Variants in HTR2C observed in about 807,000 individuals in gnomAD.
HTR2C encodes the protein 5-hydroxytryptamine receptor 2C, also known as 5-hydroxytryptamine (serotonin) receptor 2C, G protein-coupled.
Under a neutral mutation model 21.0 loss-of-function variants are expected in HTR2C, and 5 were observed. The ratio of observed to expected loss-of-function variants is 0.24; its 90% CI spans 0.12 to 0.50. The LOEUF (loss-of-function observed/expected upper bound fraction) is 0.50. Ranked by LOEUF, HTR2C falls within the 20% of genes least tolerant of loss-of-function variation. HTR2C has a pLI of 0.98. For synonymous variants in HTR2C, 150 were observed against 145.3 expected (o/e 1.03, Z -0.23); for missense variants, 271 against 371.2 (o/e 0.73, Z 2.22).
intron 2 of HTR2C, 24 bp downstream of exon 2, chrX:114,613,905 T>C (rs1377947188): frequency 8.9e-6 from 1 of 111,913 alleles, no homozygotes; most frequent in East Asian, 2.8e-4. Context: ...TAAGCGTGCC[T>C]CAAGACTCTT....
intron 4 of HTR2C, among the ~76,000 whole-genome samples, chrX:114,806,536 T>G (rs1240422459): frequency 3.7e-5 from 3 of 80,883 alleles, no homozygotes; most frequent in Admixed American, 3.3e-4. Context: ...ACACCATATA[T>G]ATACCGTATA....
intron 2 of HTR2C, among the ~76,000 whole-genome samples, chrX:114,693,815 G>A (rs1435899443): frequency 8.9e-6 from 1 of 111,834 alleles, no homozygotes; most frequent in Non-Finnish European, 1.9e-5. Flanking sequence ...CAAAATGAAC[G>A]TCATGGGAAG....
At chrX:114,704,527 C>G (rs1556417581) in intron 2 of HTR2C, among the ~76,000 whole-genome samples, 1 of 111,798 alleles carries the variant, frequency 8.9e-6, no homozygotes, top group Admixed American at 9.5e-5. Flanking sequence ...GCTAAAAACT[C>G]TCAATAAATT....
intron 2 of HTR2C, 133 bp from the exon 3 acceptor site, chrX:114,726,725 C>T (rs191269395): frequency 2.9e-6 from 1 of 348,143 alleles, no homozygotes; most frequent in African/African-American, 2.7e-5. Context: ...CACAGTATAA[C>T]ATGCTTACCT....
chrX:114,612,703 T>G (rs1212761788), intron 1 of HTR2C, among the ~76,000 whole-genome samples: 1 of 111,741 alleles, frequency 8.9e-6, no homozygotes, highest in East Asian at 2.8e-4. Flanking sequence ...CATTTAGAAT[T>G]CTTAACTAAT....
chrX:114,825,761 T>C (rs1418082371), intron 4 of HTR2C, among the ~76,000 whole-genome samples: 1 of 111,885 alleles, frequency 8.9e-6, no homozygotes, highest in Non-Finnish European at 1.9e-5. Context: ...TTCTTCTTTC[T>C]GCTCTACCAT....
At chrX:114,598,675 A>C (rs1556393353) in intron 1 of HTR2C, among the ~76,000 whole-genome samples, 1 of 111,255 alleles carries the variant, frequency 9.0e-6, no homozygotes, top group Non-Finnish European at 1.9e-5. Flanking sequence ...GTTAGTTCTC[A>C]ATGCCAAAAA....
At chrX:114,852,010 T>C (rs1322161286) in intron 5 of HTR2C, among the ~76,000 whole-genome samples, 2 of 111,549 alleles carry the variant, frequency 1.8e-5, no homozygotes, top group Non-Finnish European at 3.8e-5. Context: ...ATTTATTATT[T>C]ATATTTTCTA....
intron 2 of HTR2C, among the ~76,000 whole-genome samples, chrX:114,632,163 G>A (rs782666967): frequency 1.8e-5 from 2 of 112,292 alleles, no homozygotes; most frequent in Admixed American, 1.9e-4. Flanking sequence ...TGTTTTACGT[G>A]ATAAAATACA....
intron 2 of HTR2C, among the ~76,000 whole-genome samples, chrX:114,648,299 GA>G (rs1336177838): frequency 1.8e-5 from 2 of 111,465 alleles, no homozygotes; most frequent in Non-Finnish European, 3.8e-5. Context: ...GGAGAAGGGT[GA>G]GGGGAAAGTG....
intron 2 of HTR2C, among the ~76,000 whole-genome samples, chrX:114,724,614 T>C (rs1404210665): frequency 3.1e-5 from 3 of 96,015 alleles, no homozygotes; most frequent in African/African-American, 3.7e-5. Flanking sequence ...CTAGTCTTGA[T>C]GGTCTTTACA....
chrX:114,859,316 CTG>C (rs369447787), intron 5 of HTR2C, among the ~76,000 whole-genome samples: 23 of 106,099 alleles, frequency 2.2e-4, no homozygotes, highest in Non-Finnish European at 3.1e-4. Flanking sequence ...TGGTATGTGT[CTG>C]TGTGTGTGTG....
intron 3 of HTR2C, among the ~76,000 whole-genome samples, chrX:114,727,518 A>G (rs1169215932): frequency 8.9e-6 from 1 of 112,012 alleles, no homozygotes; most frequent in East Asian, 2.8e-4. Context: ...AGATTCAAAT[A>G]ATAAGCAATT....
chrX:114,683,849 C>T (rs1931829450), intron 2 of HTR2C, among the ~76,000 whole-genome samples: 1 of 111,765 alleles, frequency 8.9e-6, no homozygotes, highest in South Asian at 3.7e-4. Flanking sequence ...GAATTTCAGA[C>T]AATGCGACCT....
intron 2 of HTR2C, among the ~76,000 whole-genome samples, chrX:114,688,331 A>AAAAG (rs1388793054): frequency 1.8e-5 from 2 of 109,484 alleles, no homozygotes; most frequent in Non-Finnish European, 3.8e-5. Context: ...AAAAAAAAAA[A>AAAAG]AAAAGAAAAG....
At chrX:114,701,687 A>C (rs1409643033) in intron 2 of HTR2C, among the ~76,000 whole-genome samples, 2 of 112,590 alleles carry the variant, frequency 1.8e-5, no homozygotes, top group African/African-American at 6.5e-5. Context: ...GTTCCTCACC[A>C]GCAACGGAAC....
intron 4 of HTR2C, among the ~76,000 whole-genome samples, chrX:114,782,837 C>T (rs2070134076): frequency 9.0e-6 from 1 of 110,895 alleles, no homozygotes; most frequent in Non-Finnish European, 1.9e-5. Flanking sequence ...TTGTATTGTC[C>T]AAGAGGAAAG....
At chrX:114,774,956 G>T in intron 4 of HTR2C, 1 of 522,114 alleles carries the variant, frequency 1.9e-6, no homozygotes, top group Non-Finnish European at 3.5e-6. Flanking sequence ...CTAATGATGA[G>T]ATTGCAGACT....
At chrX:114,668,471 G>T (rs781808270) in intron 2 of HTR2C, among the ~76,000 whole-genome samples, 1 of 111,477 alleles carries the variant, frequency 9.0e-6, no homozygotes, top group East Asian at 2.8e-4. Flanking sequence ...TGCTGTGAGG[G>T]AAGCCATCCT....
Sources: gnomAD v4.1 joint callset for allele counts (sites outside exome capture counted in the v4.1 genomes callset) on GRCh38, gnomAD v4.1.1 for gene constraint, MANE v1.5 for transcripts, NCBI Gene and HGNC (gene_info 2026-07-23, HGNC 2026-07-21) for gene names.